Variants in CADM1 observed in about 807,000 individuals in gnomAD.
CADM1 encodes the protein TSLC-1.
CADM1 carries 15 observed loss-of-function variants against 53.1 expected under a neutral mutation model. The ratio of observed to expected loss-of-function variants is 0.28; its 90% CI spans 0.19 to 0.44. The LOEUF is 0.44. Ranked by LOEUF, CADM1 falls within the 20% of genes least tolerant of loss-of-function variation. The pLI is 1.00. For missense variants in CADM1, 434 were observed against 611.3 expected, an observed-to-expected ratio of 0.71 and a Z score of 3.06; for synonymous variants, 281 against 243.0, an observed-to-expected ratio of 1.16 and a Z score of -1.45.
chr11:115,496,547 G>A (rs1303714133), intron 1 of CADM1, among the ~76,000 whole-genome samples: 2 of 152,132 alleles, frequency 1.3e-5, no homozygotes, highest in Admixed American at 1.3e-4. Context: ...ACAACCTAAA[G>A]ACAAAACAGT....
chr11:115,285,028 C>A (rs763103543), intron 1 of CADM1, among the ~76,000 whole-genome samples: 1 of 152,148 alleles, frequency 6.6e-6, no homozygotes, highest in Admixed American at 6.5e-5. Flanking sequence ...CTCAATGCTG[C>A]CTGACAGTAT....
intron 1 of CADM1, among the ~76,000 whole-genome samples, chr11:115,482,587 A>G (rs781780944): frequency 6.6e-5 from 10 of 152,196 alleles, no homozygotes; most frequent in Non-Finnish European, 1.5e-4. Context: ...GAATCACAAG[A>G]TGATTTCATT....
rs527247799 is a variant in CADM1 at position 115,300,666 on chromosome 11, C to T, written c.125-60246G>A. 1.1e-4 allele frequency among the ~76,000 whole-genome samples: 17 copies of T among 152,226 alleles called. No individual in the cohort carries two copies. The South Asian group carries it at 3.3e-3, about 30-fold the overall frequency. ...TATCCCTATTTACAATGTACCTTAA[C>T]AGCCTATGTCTAGCATCATTATAAT... is the stretch of plus-strand genomic sequence containing the variant. On this transcript the variant is annotated intron_variant, in intron 1 of 11. Transcript: ENST00000331581.
intron 1 of CADM1, among the ~76,000 whole-genome samples, chr11:115,379,729 C>T (rs1644584646): frequency 6.6e-6 from 1 of 152,190 alleles, no homozygotes; most frequent in South Asian, 2.1e-4. Context: ...TTCTGCTCAA[C>T]TTCACTTTTT....
intron 1 of CADM1, among the ~76,000 whole-genome samples, chr11:115,289,661 T>C (rs1943833137): frequency 6.8e-6 from 1 of 147,350 alleles, no homozygotes; most frequent in African/African-American, 2.5e-5. Context: ...AGTGGCGCGA[T>C]CTCCGCTCAC....
intron 1 of CADM1, among the ~76,000 whole-genome samples, chr11:115,420,020 T>C (rs1317746369): frequency 6.6e-6 from 1 of 152,190 alleles, no homozygotes; most frequent in Admixed American, 6.6e-5. Flanking sequence ...TGTGAGATTA[T>C]TTCTCAACCA....
At chr11:115,200,822 TA>T (rs1480988747) in intron 8 of CADM1, among the ~76,000 whole-genome samples, 8 of 152,098 alleles carry the variant, frequency 5.3e-5, no homozygotes, top group African/African-American at 1.9e-4. Context: ...GGTAAATACT[TA>T]AGTACAAATG....
chr11:115,294,772 C>T (rs1208540062), intron 1 of CADM1, among the ~76,000 whole-genome samples: 10 of 151,922 alleles, frequency 6.6e-5, no homozygotes, highest in Admixed American at 5.9e-4. Context: ...GCAGTGCTCA[C>T]GCCTGTAATC....
At chr11:115,289,935 C>A (rs193299666) in intron 1 of CADM1, among the ~76,000 whole-genome samples, 2 of 152,166 alleles carry the variant, frequency 1.3e-5, no homozygotes, top group Admixed American at 1.3e-4. Context: ...AACTTAAATT[C>A]AATAGCCATA....
intron 9 of CADM1, 74 bp downstream of exon 9, chr11:115,198,332 T>C (rs993626103): frequency 1.2e-5 from 14 of 1,123,908 alleles, no homozygotes; most frequent in Non-Finnish European, 1.8e-5. Flanking sequence ...GAAGACTACA[T>C]TTCTCTTTTT....
intron 1 of CADM1, among the ~76,000 whole-genome samples, chr11:115,326,533 A>T (rs1040362470): frequency 1.3e-5 from 2 of 152,194 alleles, no homozygotes; most frequent in African/African-American, 2.4e-5. Flanking sequence ...AACCTTATAA[A>T]TATTAATATG....
chr11:115,250,003 C>A (rs1270563257), intron 1 of CADM1, among the ~76,000 whole-genome samples: 3 of 152,172 alleles, frequency 2.0e-5, no homozygotes, highest in Non-Finnish European at 4.4e-5. Context: ...CTCCCGGGTT[C>A]ACACCATTCT....
At chr11:115,199,043 A>G (rs976410418) in intron 8 of CADM1, among the ~76,000 whole-genome samples, 2 of 152,206 alleles carry the variant, frequency 1.3e-5, no homozygotes, top group Admixed American at 1.3e-4. Flanking sequence ...CAGAAAGTTC[A>G]ATTAACTGGG....
At chr11:115,183,489 G>A (rs1161825456) in intron 10 of CADM1, among the ~76,000 whole-genome samples, 1 of 152,188 alleles carries the variant, frequency 6.6e-6, no homozygotes, top group Non-Finnish European at 1.5e-5. Context: ...GGCAAATAGG[G>A]ACTTTGGCAG....
chr11:115,214,376 C>A (rs1267074205), intron 7 of CADM1: 5 of 552,112 alleles, frequency 9.1e-6, no homozygotes, highest in Non-Finnish European at 9.7e-6. Flanking sequence ...TCCTTCTCAG[C>A]ATGACCAAAG....
At chr11:115,385,698 G>A (rs1565399641) in intron 1 of CADM1, among the ~76,000 whole-genome samples, 1 of 150,348 alleles carries the variant, frequency 6.7e-6, no homozygotes, top group African/African-American at 2.4e-5. Context: ...TCAAGATTTT[G>A]CAATCTGCCA....
chr11:115,391,568 C>A (rs763609812), intron 1 of CADM1, among the ~76,000 whole-genome samples: 1 of 152,066 alleles, frequency 6.6e-6, no homozygotes, highest in African/African-American at 2.4e-5. Flanking sequence ...GAGGAGGATG[C>A]GGGAGGGAGA....
intron 1 of CADM1, among the ~76,000 whole-genome samples, chr11:115,310,405 T>C (rs1035275767): frequency 1.3e-5 from 2 of 152,102 alleles, no homozygotes; most frequent in African/African-American, 4.8e-5. Context: ...TATCAAGGAA[T>C]TCTTCATGCT....
chr11:115,314,852 C>T (rs774261283), intron 1 of CADM1, among the ~76,000 whole-genome samples: 6 of 152,194 alleles, frequency 3.9e-5, no homozygotes, highest in Non-Finnish European at 8.8e-5. Flanking sequence ...AAACAAATAA[C>T]TTCTCAAGCT....
Sources: gnomAD v4.1 joint callset for allele counts (sites outside exome capture counted in the v4.1 genomes callset) on GRCh38, gnomAD v4.1.1 for gene constraint, MANE v1.5 for transcripts, NCBI Gene and HGNC (gene_info 2026-07-23, HGNC 2026-07-21) for gene names.